The following KIR2DL1 variants were observed in gnomAD, a reference collection of about 807,000 sequenced individuals.
KIR2DL1 encodes the protein killer cell immunoglobulin-like receptor 2DL1.
Under a neutral mutation model 33.9 loss-of-function variants are expected in KIR2DL1, and 38 were observed. The ratio of observed to expected loss-of-function variants is 1.12; its 90% confidence interval spans 0.86 to 1.47. The LOEUF is 1.47. Ranked by LOEUF, KIR2DL1 falls within the 40% of genes most tolerant of loss-of-function variation. The pLI is 0.00. For missense variants in KIR2DL1, 531 were observed against 433.9 expected, an observed-to-expected ratio of 1.22 and a Z score of -1.99; for synonymous variants, 179 against 165.9, an observed-to-expected ratio of 1.08 and a Z score of -0.61.
chr19:54,780,647 T>A, intron 5 of KIR2DL1, among the ~76,000 whole-genome samples: 1 of 143,158 alleles, frequency 7.0e-6, no homozygotes, highest in African/African-American at 2.6e-5. Context: ...GCCGCCCCAC[T>A]GGTGAAATGT....
chr19:54,769,837 G>A lies in KIR2DL1; in HGVS notation c.-14G>A. ...TGAGCTCGGTCGCGGCTGCCTGTCT[G>A]CTCCGGCAGCACCATGTCGCTCTTG... On this transcript the variant is annotated 5_prime_UTR_variant, in exon 1 of 8. Coordinates refer to ENST00000336077, the MANE Select transcript of KIR2DL1 (RefSeq NM_014218.3). 6.4e-7 allele frequency: 1 copy of A among 1,569,136 alleles called. No homozygotes were observed. Among genetic ancestry groups the A allele is most frequent in the Non-Finnish European group, 8.7e-7 (1 of 1,146,956 alleles).
chr19:54,778,054 A>C (rs368711383), intron 4 of KIR2DL1, among the ~76,000 whole-genome samples: 1 of 147,612 alleles, frequency 6.8e-6, no homozygotes, highest in East Asian at 1.9e-4. Context: ...TGAGGCCAGG[A>C]GTTCAAGATT....
intron 6 of KIR2DL1, among the ~76,000 whole-genome samples, 161 bp from the exon 7 acceptor site, chr19:54,783,325 G>A (rs1170315523): frequency 2.0e-5 from 3 of 151,970 alleles, no homozygotes; most frequent in African/African-American, 7.2e-5. Flanking sequence ...CTATTCATGG[G>A]ATGGGTCCTT....
Position 54,784,149 on chromosome 19 carries a change from A to T in KIR2DL1, c.*336A>T. ...CTGAGGAACTCACAATTCCAAACAT[A>T]CAAGAGGCTCCCTCTTAACGCAGCA... On this transcript the variant is annotated 3_prime_UTR_variant, in exon 8 of 8. Transcript: ENST00000336077. 1 of 499,068 alleles carries T rather than the reference A, an allele frequency of 2.0e-6. No individual in the cohort carries two copies. Among genetic ancestry groups the T allele is most frequent in the Non-Finnish European group, 3.6e-6 (1 of 277,860 alleles). The allele number at this position is 499,068 out of a possible 1,614,324, so 30.9% of individuals were successfully genotyped here.
rs541259596 is a variant in KIR2DL1 at position 54,782,846 on chromosome 19, A to C, written c.716-76A>C. On this transcript the variant is annotated intron_variant, in intron 5 of 7. Transcript: ENST00000336077. ...GAGGTGTTTTATGTGGTTACCTGTC[A>C]ATCAAGAAATGCGAGACAATTCATA... 9.9e-6 allele frequency: 15 copies of C among 1,514,896 alleles called. 1 individual carries two copies. The highest frequency in any genetic ancestry group is 2.7e-5 in the African/African-American group (2 of 73,106). 93.8% of individuals were successfully genotyped at this position (1,514,896 alleles called of 1,614,324 possible). A position where few individuals can be genotyped will look rare whatever the true frequency, so the allele number is the denominator to read the frequency against.
chr19:54,774,165 C>T (rs900028097), intron 3 of KIR2DL1, among the ~76,000 whole-genome samples: 1 of 148,670 alleles, frequency 6.7e-6, no homozygotes, highest in African/African-American at 2.5e-5. Flanking sequence ...GCTGTGTGAA[C>T]TTGTAGTCTC....
chr19:54,770,695 G>A (rs1339029051), intron 1 of KIR2DL1, among the ~76,000 whole-genome samples, 154 bp from the exon 2 acceptor site: 11 of 148,478 alleles, frequency 7.4e-5, no homozygotes, highest in African/African-American at 1.2e-4. Context: ...CTGCACAGCC[G>A]ACAGCCCTGT....
intron 4 of KIR2DL1, among the ~76,000 whole-genome samples, chr19:54,776,451 C>A (rs112804329): frequency 2.1e-5 from 3 of 145,692 alleles, no homozygotes; most frequent in Non-Finnish European, 4.6e-5. Flanking sequence ...CTCCACTGTG[C>A]GTATGTACTA....
intron 4 of KIR2DL1, among the ~76,000 whole-genome samples, chr19:54,776,645 T>G (rs2076379390): frequency 6.9e-6 from 1 of 144,714 alleles, no homozygotes; most frequent in African/African-American, 2.5e-5. Context: ...TTTTTTTTTT[T>G]TTTTTCTTTT....
At position 54,775,582 on chromosome 19, in the gene KIR2DL1, A is replaced by T. The variant is rs539885248; in HGVS notation, c.664+124A>T. The stretch of plus-strand genomic sequence containing the variant: ...AGAAGACGCAGCCTCGGTGTGAGGG[A>T]GGGATCAGGGCACAGGATGGCCGAC... On this transcript the variant is annotated intron_variant, in intron 4 of 7. Coordinates refer to ENST00000336077, the MANE Select transcript of KIR2DL1 (RefSeq NM_014218.3). The T allele has an allele frequency of 5.8e-5, 75 of 1,285,646 alleles. No homozygotes were observed. In the Middle Eastern group the frequency reaches 2.4e-3, roughly 40 times the overall value. The allele number at this position is 1,285,646 out of a possible 1,614,324, so 79.6% of individuals were successfully genotyped here.
rs1164784789 is a variant in KIR2DL1, at chr19:54,776,986, G to A, written c.664+1528G>A. Among the ~76,000 whole-genome samples, 7 of 150,838 alleles carry A rather than the reference G, an allele frequency of 4.6e-5. No homozygotes were observed. In the South Asian group the frequency reaches 8.4e-4, roughly 18 times the overall value. On this transcript the variant is annotated intron_variant, in intron 4 of 7. Transcript: ENST00000336077. ...GACTTCCATACTTTTCTCCGTAATGGCTGTACTAATTTACACTCCTCCCAA... is the reference window on the plus strand; with the variant it reads ...GACTTCCATACTTTTCTCCGTAATGACTGTACTAATTTACACTCCTCCCAA...
chr19:54,770,743 T>G, intron 1 of KIR2DL1, 106 bp from the exon 2 acceptor site: 1 of 1,464,668 alleles, frequency 6.8e-7, no homozygotes, highest in Admixed American at 1.7e-5. Context: ...GAGTTTACCT[T>G]CAGCCCAGGA....
At chr19:54,776,312 C>G (rs2076334755) in intron 4 of KIR2DL1, among the ~76,000 whole-genome samples, 2 of 147,924 alleles carry the variant, frequency 1.4e-5, no homozygotes, top group South Asian at 4.2e-4. Flanking sequence ...CCATTCTACT[C>G]TCTACCTTCA....
intron 1 of KIR2DL1, among the ~76,000 whole-genome samples, chr19:54,770,092 G>A (rs1186531651): frequency 4.1e-5 from 6 of 145,384 alleles, no homozygotes; most frequent in Non-Finnish European, 7.7e-5. Flanking sequence ...TGGAGTGATG[G>A]GACTGTAGTG....
chr19:54,783,846 G>C lies in KIR2DL1; in HGVS notation c.*33G>C, dbSNP rs551110481. 4.3e-6 allele frequency: 7 copies of C among 1,613,808 alleles called. No homozygotes were observed. The South Asian group carries it at 7.7e-5, about 18-fold the overall frequency. ...AGTCAGGCCTTGAGGGCGTCTTCTA[G>C]GGAGACAACAGCCCTGTCTCAAAAC... On this transcript the variant is annotated 3_prime_UTR_variant, in exon 8 of 8. Transcript: ENST00000336077.
rs1275108732 is a variant in KIR2DL1, at chr19:54,783,494, G to T, written c.826G>T (p.Val276Leu). 6.2e-7 allele frequency: 1 copy of T among 1,613,526 alleles called. No individual in the cohort carries two copies. The highest frequency in any genetic ancestry group is 1.6e-4 in the Middle Eastern group (1 of 6,062). The change falls in exon 7 of 8, where the codon GTA becomes TTA. Residue 276 changes from valine (V) to leucine (L), a missense_variant. Transcript: ENST00000336077. ...ACTTCCATCTTCTACAGATGCTGCG[G>T]TAATGGACCAAGAGTCTGCAGGAAA... ...RWCSNKKNAA[V>L]MDQESAGNRT...
rs754180366 is a variant in KIR2DL1 at position 54,775,379 on chromosome 19, C to A, written c.585C>A (p.Thr195=). Reference sequence around the variant, plus strand: ...TGGGCCCTGCCACCCACGGAGGGACCTACAGATGCTTCGGCTCTTTCCATG... The same window carrying A: ...TGGGCCCTGCCACCCACGGAGGGACATACAGATGCTTCGGCTCTTTCCATG... The part of the protein sequence containing the change: ...FPLGPATHGG[T]YRCFGSFHDS... The change falls in exon 4 of 8, where the codon ACC becomes ACA. Residue 195 remains threonine, a synonymous_variant. Transcript: ENST00000336077. The A allele has an allele frequency of 1.3e-6, 2 of 1,583,874 alleles. No individual in the cohort carries two copies. Among genetic ancestry groups the A allele is most frequent in the East Asian group, 2.2e-5 (1 of 44,770 alleles).
At chr19:54,779,448 G>T (rs970602784) in intron 5 of KIR2DL1, among the ~76,000 whole-genome samples, 37 of 147,616 alleles carry the variant, frequency 2.5e-4, no homozygotes, top group African/African-American at 8.4e-4. Flanking sequence ...CACAAAGACT[G>T]GTCACATCTC....
chr19:54,773,963 T>C (rs993076776), intron 3 of KIR2DL1, among the ~76,000 whole-genome samples: 25 of 148,866 alleles, frequency 1.7e-4, no homozygotes, highest in Non-Finnish European at 2.7e-4. Flanking sequence ...GTTTCATTTC[T>C]GTTTTACCTC....
Sources: gnomAD v4.1 joint callset for allele counts (sites outside exome capture counted in the v4.1 genomes callset) on GRCh38, gnomAD v4.1.1 for gene constraint, MANE v1.5 for transcripts, NCBI Gene and HGNC (gene_info 2026-07-23, HGNC 2026-07-21) for gene names.